The following DENND5B variants were observed in gnomAD, a reference collection of about 807,000 sequenced individuals.
The protein encoded by DENND5B is DENN domain containing 5B.
Under a neutral mutation model 140.6 loss-of-function variants are expected in DENND5B, and 34 were observed. That is an observed-to-expected ratio of 0.24 (90% CI 0.18 to 0.32). DENND5B has a LOEUF of 0.32. DENND5B is among the 10% of genes least tolerant of loss of function. The probability of loss-of-function intolerance (pLI) is 1.00; values close to 1 mark genes in which losing one functional copy is unlikely to be tolerated. For missense variants in DENND5B, 1,142 were observed against 1,560.2 expected (o/e 0.73, Z 4.52); for synonymous variants, 551 against 562.1 (o/e 0.98, Z 0.28).
intron 1 of DENND5B, among the ~76,000 whole-genome samples, chr12:31,555,374 T>C (rs577558189): frequency 3.9e-5 from 6 of 152,312 alleles, no homozygotes; most frequent in African/African-American, 1.2e-4. Flanking sequence ...CAGCGGATAT[T>C]GGTGAACCGC....
chr12:31,390,966 A>G (rs559400176), intron 19 of DENND5B, among the ~76,000 whole-genome samples: 2 of 152,184 alleles, frequency 1.3e-5, no homozygotes, highest in Non-Finnish European at 1.5e-5. Context: ...CAGTGAGCTG[A>G]GATGGGGCCA....
intron 1 of DENND5B, among the ~76,000 whole-genome samples, chr12:31,540,576 C>T (rs773835952): frequency 2.0e-5 from 3 of 151,982 alleles, no homozygotes; most frequent in Non-Finnish European, 4.4e-5. Context: ...ATCGCTTGAA[C>T]CTGGGAGGCA....
intron 1 of DENND5B, among the ~76,000 whole-genome samples, chr12:31,578,854 G>C (rs1950110430): frequency 6.6e-6 from 1 of 152,112 alleles, no homozygotes; most frequent in African/African-American, 2.4e-5. Context: ...TCCTGTCTTT[G>C]GGCAACTCAC....
At chr12:31,469,346 A>AAAAGAAG (rs769930524) in intron 3 of DENND5B, among the ~76,000 whole-genome samples, 73 of 130,218 alleles carry the variant, frequency 5.6e-4, no homozygotes, top group East Asian at 5.5e-3. Context: ...AAAAAAAAAA[A>AAAAGAAG]AAGAAGAAGA....
chr12:31,495,514 G>A (rs1946728837), intron 2 of DENND5B, among the ~76,000 whole-genome samples: 1 of 151,744 alleles, frequency 6.6e-6, no homozygotes, highest in African/African-American at 2.4e-5. Flanking sequence ...GAGTAGCTGG[G>A]ATTACAGGCA....
intron 7 of DENND5B, 126 bp from the exon 8 acceptor site, chr12:31,433,374 G>T: frequency 1.2e-6 from 1 of 824,884 alleles, no homozygotes; most frequent in Non-Finnish European, 1.8e-6. Context: ...TAGCAGCTTT[G>T]TTAAAATATA....
intron 7 of DENND5B, among the ~76,000 whole-genome samples, chr12:31,438,254 T>C (rs901599334): frequency 6.6e-6 from 1 of 152,236 alleles, no homozygotes. Flanking sequence ...ATTACAGGCA[T>C]GAGGCACTGC....
intron 1 of DENND5B, among the ~76,000 whole-genome samples, chr12:31,526,472 C>T (rs1948086094): frequency 6.6e-6 from 1 of 152,112 alleles, no homozygotes; most frequent in Non-Finnish European, 1.5e-5. Context: ...TTCTAGTGCT[C>T]CTAAGTTTTA....
At chr12:31,402,699 C>T (rs1334209002) in intron 14 of DENND5B, 56 bp from the exon 15 acceptor site, 2 of 1,541,328 alleles carry the variant, frequency 1.3e-6, no homozygotes, top group African/African-American at 2.8e-5. Context: ...CTCCTTATAA[C>T]AAAACATATA....
chr12:31,395,386 G>C (rs1398138688), intron 17 of DENND5B, among the ~76,000 whole-genome samples: 1 of 152,128 alleles, frequency 6.6e-6, no homozygotes, highest in African/African-American at 2.4e-5. Flanking sequence ...CTGAGGTCAG[G>C]AGTTCAACAC....
chr12:31,556,695 A>C (rs1949295734), intron 1 of DENND5B, among the ~76,000 whole-genome samples: 1 of 152,210 alleles, frequency 6.6e-6, no homozygotes, highest in African/African-American at 2.4e-5. Flanking sequence ...CAAGAAAAGA[A>C]ACCTATTGTT....
intron 1 of DENND5B, among the ~76,000 whole-genome samples, chr12:31,525,753 G>C (rs1435983146): frequency 6.6e-6 from 1 of 152,210 alleles, no homozygotes; most frequent in Non-Finnish European, 1.5e-5. Context: ...CACTTTGGGA[G>C]GCTGAGATGG....
chr12:31,466,273 AAC>A (rs1428872948), intron 3 of DENND5B, among the ~76,000 whole-genome samples: 1 of 152,052 alleles, frequency 6.6e-6, no homozygotes, highest in African/African-American at 2.4e-5. Context: ...GAACCACTTG[AAC>A]CCAGGAGGCA....
At position 31,424,649 on chromosome 12, in the gene DENND5B, C is replaced by A; in HGVS notation, c.2277G>T (p.Ala759=). The A allele has an allele frequency of 6.2e-7, 1 of 1,613,924 alleles. No individual in the cohort carries two copies. Among genetic ancestry groups the A allele is most frequent in the Non-Finnish European group, 8.5e-7 (1 of 1,179,868 alleles). Residue 759 remains alanine, a synonymous_variant, in exon 10 of 21, where the codon GCG becomes GCT. Transcript: ENST00000389082. ...TTGCTTCTCCATGGCCAAGTTCCACCGCTTCATGTCCCATCTTCTCCACCA... is the reference window on the plus strand; with the variant it reads ...TTGCTTCTCCATGGCCAAGTTCCACAGCTTCATGTCCCATCTTCTCCACCA... The part of the protein sequence containing the change: ...RMLVEKMGHE[A]VELGHGEANI...
chr12:31,444,696 C>A (rs1373835885), intron 6 of DENND5B, among the ~76,000 whole-genome samples: 1 of 152,174 alleles, frequency 6.6e-6, no homozygotes, highest in Non-Finnish European at 1.5e-5. Context: ...CTAAAAAATT[C>A]CATCAGGAAG....
At chr12:31,409,165 G>T in intron 14 of DENND5B, 98 bp downstream of exon 14, 1 of 1,258,346 alleles carries the variant, frequency 7.9e-7, no homozygotes, top group Non-Finnish European at 1.1e-6. Flanking sequence ...ATGTCACAAT[G>T]TCACATGTAC....
intron 4 of DENND5B, among the ~76,000 whole-genome samples, chr12:31,454,486 C>T (rs1222666190): frequency 6.6e-6 from 1 of 152,158 alleles, no homozygotes; most frequent in Non-Finnish European, 1.5e-5. Flanking sequence ...CTCTGTCACC[C>T]AGGCTGGAGT....
intron 1 of DENND5B, among the ~76,000 whole-genome samples, chr12:31,581,365 T>C (rs16918761): frequency 0.15 from 22,651 of 152,020 alleles, 1,895 homozygotes; most frequent in East Asian, 0.25. Flanking sequence ...TGGGAGTCCA[T>C]TAATTGACAT....
At chr12:31,505,239 CTT>C (rs200931111) in intron 1 of DENND5B, among the ~76,000 whole-genome samples, 144 of 129,058 alleles carry the variant, frequency 1.1e-3, no homozygotes, top group Admixed American at 4.2e-3. Context: ...CAGAATTTGC[CTT>C]TTTTTTTTTT....
Sources: allele counts gnomAD v4.1 joint callset (sites outside exome capture counted in the v4.1 genomes callset), GRCh38; gene constraint gnomAD v4.1.1; transcripts MANE v1.5; gene names NCBI Gene and HGNC (gene_info 2026-07-23, HGNC 2026-07-21).